RELL1: variants seen among roughly 807,000 people sequenced by gnomAD.
The protein encoded by RELL1 is RELT-like protein 1.
In RELL1, 10 loss-of-function variants were observed where a neutral mutation model predicts 23.0. The ratio of observed to expected loss-of-function variants is 0.43; its 90% CI spans 0.27 to 0.74. The LOEUF (loss-of-function observed/expected upper bound fraction) is 0.74, where lower values mean the gene tolerates loss of function less well. RELL1 is among the 30% of genes least tolerant of loss of function. The pLI is 0.19. For missense variants in RELL1, 315 were observed against 364.4 expected (o/e 0.86, Z 1.10); for synonymous variants, 146 against 146.8 (o/e 0.99, Z 0.04).
downstream of RELL1, among the ~76,000 whole-genome samples, chr4:37,605,830 A>G (rs1577559003): frequency 1.6e-5 from 2 of 122,372 alleles, no homozygotes; most frequent in African/African-American, 5.2e-5. Flanking sequence ...AAAGAAAGAA[A>G]GAAAGAAAGA....
At chr4:37,683,763 A>C (rs1178837293) in intron 1 of RELL1, among the ~76,000 whole-genome samples, 1 of 142,216 alleles carries the variant, frequency 7.0e-6, no homozygotes. Context: ...GTCTCAAAAA[A>C]CAATAAAAAT....
downstream of RELL1, among the ~76,000 whole-genome samples, chr4:37,605,998 G>A (rs564212593): frequency 6.9e-6 from 1 of 144,136 alleles, no homozygotes; most frequent in East Asian, 2.1e-4. Flanking sequence ...AGGAAGAGAG[G>A]GTAGAAGAAA....
At chr4:37,673,730 C>A (rs1232309563) in intron 1 of RELL1, among the ~76,000 whole-genome samples, 2 of 152,206 alleles carry the variant, frequency 1.3e-5, no homozygotes, top group East Asian at 1.9e-4. Flanking sequence ...GCCCTGCTGA[C>A]AGCACAGGGC....
At chr4:37,593,816 G>A (rs1193217572) in intron 6 of RELL1, among the ~76,000 whole-genome samples, 1 of 152,164 alleles carries the variant, frequency 6.6e-6, no homozygotes, top group Non-Finnish European at 1.5e-5. Context: ...TGACACCAAA[G>A]GGGCTTCCAC....
intron 1 of RELL1, among the ~76,000 whole-genome samples, chr4:37,658,653 C>G (rs1284158324): frequency 1.3e-5 from 2 of 152,194 alleles, no homozygotes. Flanking sequence ...CTCTCAGTGT[C>G]TGCATACGTA....
At position 37,604,888 on chromosome 4, in the gene RELL1, GACACACACACAGACAC is replaced by G. The variant is rs1560323930; in HGVS notation, c.*4-13687_*4-13672del. Among the ~76,000 whole-genome samples the G allele has an allele frequency of 7.9e-3, 501 of 63,128 alleles. 31 individuals carry two copies. The highest frequency in any genetic ancestry group is 0.011 in the Non-Finnish European group (347 of 31,708). The allele number at this position is 63,128 out of a possible 152,430, so 41.4% of individuals were successfully genotyped here. A position where few individuals can be genotyped will look rare whatever the true frequency, so the allele number is the denominator to read the frequency against. Reference sequence around the variant, plus strand: ...ACAGACACACACACACATACACACAGACACACACACAGACACACACACACACACACAGACACACACA... The same window carrying G: ...ACAGACACACACACACATACACACAGACACACACACACACAGACACACACA... On this transcript the variant is annotated intron_variant, in intron 6 of 6. Coordinates refer to the RELL1 transcript ENST00000314117.
chr4:37,661,795 T>C (rs948540472), intron 1 of RELL1, among the ~76,000 whole-genome samples: 2 of 152,158 alleles, frequency 1.3e-5, no homozygotes, highest in African/African-American at 4.8e-5. Context: ...AGAGAACAAA[T>C]GGGCTTAAAC....
downstream of RELL1, among the ~76,000 whole-genome samples, chr4:37,605,726 A>G (rs1307980149): frequency 6.6e-6 from 1 of 150,832 alleles, no homozygotes; most frequent in African/African-American, 2.4e-5. Context: ...TGGGCGACAG[A>G]GTGAGACTTT....
At chr4:37,677,545 T>C (rs1001223317) in intron 1 of RELL1, among the ~76,000 whole-genome samples, 1 of 152,224 alleles carries the variant, frequency 6.6e-6, no homozygotes, top group Non-Finnish European at 1.5e-5. Flanking sequence ...AAAGAAAAAC[T>C]GTCACAATTT....
intron 1 of RELL1, among the ~76,000 whole-genome samples, chr4:37,683,847 C>A (rs1027335650): frequency 2.6e-5 from 4 of 151,898 alleles, no homozygotes; most frequent in African/African-American, 9.7e-5. Context: ...TTTGGGAGGC[C>A]AAGGTGGGCG....
chr4:37,672,021 GC>G (rs1374874794), intron 1 of RELL1, among the ~76,000 whole-genome samples: 2 of 152,062 alleles, frequency 1.3e-5, no homozygotes, highest in African/African-American at 2.4e-5. Context: ...GAACTTCCAA[GC>G]CCCCTCCAGG....
In RELL1 at chr4:37,624,759, G is replaced by A. The variant is rs552168604; in HGVS notation, c.*3+6626C>T. Among the ~76,000 whole-genome samples the A allele has an allele frequency of 5.3e-5, 8 of 152,268 alleles. No homozygotes were observed. The South Asian group carries it at 6.2e-4, about 12-fold the overall frequency. On this transcript the variant is annotated intron_variant, in intron 6 of 6. Coordinates refer to ENST00000454158, the MANE Select transcript of RELL1 (RefSeq NM_001085400.2). The stretch of plus-strand genomic sequence containing the variant: ...TGGTTATTTCTAAGGCCTCCTTAAT[G>A]CAAACAAGAAAATGGCCCAAATTCC...
Position 37,686,289 on chromosome 4 carries a change from G to T in RELL1, c.-2C>A, listed in dbSNP as rs1435731042. The T allele has an allele frequency of 1.3e-6, 2 of 1,516,058 alleles. No homozygotes were observed. The highest frequency in any genetic ancestry group is 2.9e-5 in the African/African-American group (2 of 69,686). The allele number at this position is 1,516,058 out of a possible 1,614,324, so 93.9% of individuals were successfully genotyped here. On this transcript the variant is annotated 5_prime_UTR_variant, in exon 1 of 7. Coordinates refer to ENST00000454158, the MANE Select transcript of RELL1 (RefSeq NM_001085400.2). ...CCCCGGGAGTGCCCGCGGAGCCATC[G>T]CCGCGTCGCTTCGCCCTCCTCCCCC...
chr4:37,593,284 C>T (rs1718702995), intron 6 of RELL1, among the ~76,000 whole-genome samples: 1 of 152,152 alleles, frequency 6.6e-6, no homozygotes, highest in African/African-American at 2.4e-5. Context: ...TAAAAGAAGT[C>T]TGGAGTTAGT....
chr4:37,609,575 A>G (rs180707869), downstream of RELL1, among the ~76,000 whole-genome samples: 208 of 152,342 alleles, frequency 1.4e-3, no homozygotes, highest in Middle Eastern at 6.8e-3. Flanking sequence ...AGTAAAGTCA[A>G]TTGAAATCTT....
At chr4:37,679,487 C>T (rs967680795) in intron 1 of RELL1, among the ~76,000 whole-genome samples, 1 of 152,158 alleles carries the variant, frequency 6.6e-6, no homozygotes, top group Non-Finnish European at 1.5e-5. Flanking sequence ...AATGCAGGAC[C>T]ATAATCCCTT....
chr4:37,656,695 G>C (rs1211885044), intron 1 of RELL1, among the ~76,000 whole-genome samples: 3 of 152,264 alleles, frequency 2.0e-5, no homozygotes, highest in Non-Finnish European at 4.4e-5. Flanking sequence ...TCTCACAGAA[G>C]TGAGTTAGTT....
intron 4 of RELL1, 104 bp from the exon 5 acceptor site, chr4:37,635,227 A>G: frequency 1.1e-6 from 1 of 905,088 alleles, no homozygotes. Context: ...TGAAAGAAAA[A>G]AAAAAGCGTC....
chr4:37,654,848 A>G (rs538826476), intron 1 of RELL1, among the ~76,000 whole-genome samples: 2 of 152,364 alleles, frequency 1.3e-5, no homozygotes, highest in Admixed American at 6.5e-5. Flanking sequence ...TACATGCAAT[A>G]TGATCCAACT....
Sources: allele counts gnomAD v4.1 joint callset (sites outside exome capture counted in the v4.1 genomes callset), GRCh38; gene constraint gnomAD v4.1.1; transcripts MANE v1.5; gene names NCBI Gene and HGNC (gene_info 2026-07-23, HGNC 2026-07-21).